The following TBC1D22A variants were observed in gnomAD, a reference collection of about 807,000 sequenced individuals.
TBC1D22A encodes the protein putative GTPase activator.
In TBC1D22A, 38 loss-of-function variants were observed where a neutral mutation model predicts 60.2. The ratio of observed to expected loss-of-function variants is 0.63; its 90% CI spans 0.49 to 0.83. The LOEUF is 0.83. Ranked by LOEUF, TBC1D22A falls within the 40% of genes least tolerant of loss-of-function variation. The probability of loss-of-function intolerance (pLI) is 0.00; values close to 1 mark genes in which losing one functional copy is unlikely to be tolerated. For synonymous variants in TBC1D22A, 302 were observed against 281.7 expected, an observed-to-expected ratio of 1.07 and a Z score of -0.72; for missense variants, 628 against 701.0, an observed-to-expected ratio of 0.90 and a Z score of 1.18.
At chr22:46,975,555 A>G (rs1472547943) in intron 9 of TBC1D22A, among the ~76,000 whole-genome samples, 4 of 152,180 alleles carry the variant, frequency 2.6e-5, no homozygotes, top group African/African-American at 9.6e-5. Context: ...ATCCCAGCTC[A>G]AAGGGGGGCC....
rs750820441 is a variant in TBC1D22A at position 46,891,242 on chromosome 22, A to T, written c.709-24A>T. ...CCATGAATTAGCTATAACCATGTAT[A>T]TTTTTTGTTTATTTCTCACCCAGGG... On this transcript the variant is annotated intron_variant, in intron 5 of 12. Transcript: ENST00000337137. The T allele has an allele frequency of 1.9e-6, 3 of 1,592,634 alleles. No individual in the cohort carries two copies. In the South Asian group the frequency reaches 3.4e-5, roughly 18 times the overall value.
At chr22:46,929,170 G>A (rs973818099) in intron 8 of TBC1D22A, among the ~76,000 whole-genome samples, 16 of 152,194 alleles carry the variant, frequency 1.1e-4, no homozygotes, top group Non-Finnish European at 4.4e-5. Context: ...GATGTAATTG[G>A]CAGCTTCCTA....
chr22:47,034,484 A>G lies in TBC1D22A; in HGVS notation c.1202-2587A>G, dbSNP rs200708377. On this transcript the variant is annotated intron_variant, in intron 10 of 12. Transcript: ENST00000337137. ...CTGTGCTCCCGTGGTGATGATGAAG[A>G]GGAGGGGGAGGAGGAAGATGAAGAC... Among the ~76,000 whole-genome samples, 24 of 152,242 alleles carry G rather than the reference A, an allele frequency of 1.6e-4. 1 individual carries two copies. In the East Asian group the frequency reaches 3.5e-3, roughly 22 times the overall value.
chr22:47,005,233 A>G (rs2061546051), intron 10 of TBC1D22A, among the ~76,000 whole-genome samples: 1 of 151,536 alleles, frequency 6.6e-6, no homozygotes, highest in African/African-American at 2.4e-5. Flanking sequence ...ACACATGCCT[A>G]TACACAGAAA....
intron 7 of TBC1D22A, among the ~76,000 whole-genome samples, chr22:46,904,807 G>A (rs1342538187): frequency 7.4e-6 from 1 of 135,710 alleles, no homozygotes; most frequent in African/African-American, 2.8e-5. Flanking sequence ...CAGAGTCTTA[G>A]TCTGTCACCC....
chr22:47,079,084 C>CTTTTTTTTTTTT (rs35269996), intron 11 of TBC1D22A, among the ~76,000 whole-genome samples: 1 of 124,962 alleles, frequency 8.0e-6, no homozygotes, highest in Non-Finnish European at 1.6e-5. Flanking sequence ...GTAGAGCAGA[C>CTTTTTTTTTTTT]TTTTTTTTTT....
chr22:46,773,763 C>T lies in TBC1D22A; in HGVS notation c.62+10915C>T, dbSNP rs545284226. Among the ~76,000 whole-genome samples the T allele has an allele frequency of 1.1e-4, 16 of 152,320 alleles. No homozygotes were observed. The South Asian group carries it at 2.7e-3, about 26-fold the overall frequency. On this transcript the variant is annotated intron_variant, in intron 1 of 12. Transcript: ENST00000337137. ...CTGGGATTACAGGTGTGAGCCACTG[C>T]ACCCGGCGGGCTAGACACTGTACAT... is the stretch of plus-strand genomic sequence containing the variant.
chr22:47,037,714 A>C (rs2062701114), intron 11 of TBC1D22A, among the ~76,000 whole-genome samples: 1 of 152,208 alleles, frequency 6.6e-6, no homozygotes, highest in Non-Finnish European at 1.5e-5. Context: ...AAAGAACTTC[A>C]GGCCGTTCTC....
chr22:46,907,828 G>T (rs1337862907), intron 7 of TBC1D22A, among the ~76,000 whole-genome samples: 1 of 152,236 alleles, frequency 6.6e-6, no homozygotes, highest in Non-Finnish European at 1.5e-5. Flanking sequence ...TAGGGAGGTG[G>T]CAGAGGAGCT....
intron 11 of TBC1D22A, among the ~76,000 whole-genome samples, chr22:47,038,655 G>T (rs2062736163): frequency 6.6e-6 from 1 of 152,208 alleles, no homozygotes; most frequent in East Asian, 1.9e-4. Flanking sequence ...GCTGGTCAGT[G>T]TGCCCCTTGG....
At chr22:46,890,853 G>A (rs2068361715) in intron 5 of TBC1D22A, among the ~76,000 whole-genome samples, 1 of 152,232 alleles carries the variant, frequency 6.6e-6, no homozygotes, top group African/African-American at 2.4e-5. Flanking sequence ...GGGTGTGTGT[G>A]CGTGGTTGCT....
intron 1 of TBC1D22A, among the ~76,000 whole-genome samples, chr22:46,785,447 C>T (rs574708911): frequency 1.3e-4 from 20 of 152,340 alleles, no homozygotes; most frequent in African/African-American, 4.3e-4. Context: ...ACAGATAGAA[C>T]ACAATTCACC....
At chr22:47,149,489 G>A (rs565563219) in intron 12 of TBC1D22A, among the ~76,000 whole-genome samples, 2 of 152,394 alleles carry the variant, frequency 1.3e-5, no homozygotes, top group East Asian at 3.9e-4. Context: ...CCACAGGCCA[G>A]GCTGGCTGCC....
intron 7 of TBC1D22A, 87 bp from the exon 8 acceptor site, chr22:46,911,987 T>C (rs759514308): frequency 1.8e-5 from 15 of 816,628 alleles, no homozygotes; most frequent in African/African-American, 3.4e-5. Flanking sequence ...GAAAATACAG[T>C]GTACATTTTA....
intron 8 of TBC1D22A, among the ~76,000 whole-genome samples, chr22:46,969,474 T>G (rs2073962260): frequency 6.6e-6 from 1 of 151,990 alleles, no homozygotes; most frequent in African/African-American, 2.4e-5. Flanking sequence ...TCCTTAATAC[T>G]ATAGCAGGGC....
At position 47,076,361 on chromosome 22, in the gene TBC1D22A, G is replaced by GTGTATATATATATATATATGTGTGTA. The variant is rs1392245000; in HGVS notation, c.1330-35146_1330-35145insGTATATATATATATATATGTGTGTAT. Among the ~76,000 whole-genome samples the GTGTATATATATATATATATGTGTGTA allele has an allele frequency of 4.2e-3, 424 of 101,664 alleles. 3 individuals carry two copies. The highest frequency in any genetic ancestry group is 0.014 in the African/African-American group (391 of 27,422). The allele number at this position is 101,664 out of a possible 152,430, so 66.7% of individuals were successfully genotyped here. The stretch of plus-strand genomic sequence containing the variant: ...TGTGTGTATATATATATATGTGTGT[G>GTGTATATATATATATATATGTGTGTA]TATATATATATATATATATACACAC... On this transcript the variant is annotated intron_variant, in intron 11 of 12. Coordinates refer to ENST00000337137, the MANE Select transcript of TBC1D22A (RefSeq NM_014346.5).
At chr22:46,949,958 A>G (rs930623271) in intron 8 of TBC1D22A, among the ~76,000 whole-genome samples, 6 of 152,206 alleles carry the variant, frequency 3.9e-5, no homozygotes, top group African/African-American at 7.2e-5. Flanking sequence ...CTGAGCAGCA[A>G]TGACCCCCAT....
At chr22:47,171,078 C>T (rs1398521729) in intron 12 of TBC1D22A, among the ~76,000 whole-genome samples, 3 of 152,300 alleles carry the variant, frequency 2.0e-5, no homozygotes, top group South Asian at 4.1e-4. Context: ...CAGCTCAGCT[C>T]ATCCTGGCTG....
chr22:46,952,143 G>T (rs136077), intron 8 of TBC1D22A, among the ~76,000 whole-genome samples: 65,375 of 152,056 alleles, frequency 0.43, 14,949 homozygotes, highest in African/African-American at 0.6. Flanking sequence ...CTGCCCTGTG[G>T]GTGGTTGACA....
Sources: allele counts gnomAD v4.1 joint callset (sites outside exome capture counted in the v4.1 genomes callset), GRCh38; gene constraint gnomAD v4.1.1; transcripts MANE v1.5; gene names NCBI Gene and HGNC (gene_info 2026-07-23, HGNC 2026-07-21).